Variants in MAST4 observed in about 807,000 individuals in gnomAD.
MAST4 encodes the protein microtubule associated serine/threonine kinase family member 4.
In MAST4, 89 loss-of-function variants were observed where a neutral mutation model predicts 162.7. The observed-to-expected ratio is 0.55, with a 90% confidence interval of 0.46 to 0.65. The LOEUF (loss-of-function observed/expected upper bound fraction) is 0.65, where lower values mean the gene tolerates loss of function less well. Among genes scored for constraint, MAST4 ranks in the 30% least tolerant of loss-of-function variants. The pLI is 0.00. For synonymous variants in MAST4, 1,479 were observed against 1,361.1 expected (o/e 1.09, Z -1.91); for missense variants, 3,153 against 3,374.0 (o/e 0.93, Z 1.62).
chr5:67,016,518 G>A (rs1219086464), intron 4 of MAST4, among the ~76,000 whole-genome samples: 1 of 152,216 alleles, frequency 6.6e-6, no homozygotes, highest in African/African-American at 2.4e-5. Flanking sequence ...GCTGCTGTCT[G>A]AGGGAAGAGA....
intron 1 of MAST4, among the ~76,000 whole-genome samples, chr5:66,695,581 G>A (rs988489763): frequency 1.2e-4 from 18 of 152,118 alleles, no homozygotes; most frequent in African/African-American, 4.1e-4. Flanking sequence ...AATGTGAATA[G>A]CATTGAATCT....
chr5:67,020,520 A>G (rs563454276), intron 4 of MAST4, among the ~76,000 whole-genome samples: 1 of 152,316 alleles, frequency 6.6e-6, no homozygotes, highest in South Asian at 2.1e-4. Context: ...ATATTTTGGG[A>G]TAGATGGGCT....
intron 1 of MAST4, among the ~76,000 whole-genome samples, chr5:66,677,907 T>G (rs1283425675): frequency 6.6e-6 from 1 of 152,128 alleles, no homozygotes; most frequent in African/African-American, 2.4e-5. Context: ...TTGTTGAAAA[T>G]GCAGATTCCC....
Position 67,168,872 on chromosome 5 carries a change from T to C in MAST4, c.*1821T>C, listed in dbSNP as rs2151156355. 6.6e-6 allele frequency: 1 copy of C among 152,032 alleles called. No homozygotes were observed. The highest frequency in any genetic ancestry group is 2.1e-4 in the South Asian group (1 of 4,808). 9.4% of individuals were successfully genotyped at this position (152,032 alleles called of 1,614,324 possible). A position where few individuals can be genotyped will look rare whatever the true frequency, so the allele number is the denominator to read the frequency against. On this transcript the variant is annotated 3_prime_UTR_variant, in exon 29 of 29. Transcript: ENST00000403625. ...TGCTCAGTTGTCCTTCGTTGTAAAA[T>C]GAATTGGCTTTGGGAAAAAGGAAAA...
intron 1 of MAST4, among the ~76,000 whole-genome samples, chr5:66,616,102 G>A (rs191573060): frequency 7.0e-4 from 106 of 152,256 alleles, no homozygotes; most frequent in Non-Finnish European, 4.3e-4. Flanking sequence ...ACAAATAAAT[G>A]CACAGAGGAA....
chr5:67,141,276 T>TA (rs1265010278), intron 19 of MAST4, among the ~76,000 whole-genome samples: 3 of 152,172 alleles, frequency 2.0e-5, no homozygotes, highest in Non-Finnish European at 2.9e-5. Flanking sequence ...TCTCTCTTCT[T>TA]AGAGTTTTTT....
chr5:67,013,759 A>G (rs181627213), intron 4 of MAST4, among the ~76,000 whole-genome samples: 29 of 152,364 alleles, frequency 1.9e-4, no homozygotes, highest in African/African-American at 7.0e-4. Flanking sequence ...AAGTATAAGT[A>G]TAAAATGTTT....
chr5:66,708,671 G>A (rs1750300962), intron 1 of MAST4, among the ~76,000 whole-genome samples: 1 of 152,158 alleles, frequency 6.6e-6, no homozygotes, highest in African/African-American at 2.4e-5. Flanking sequence ...TGGTGATAGT[G>A]AGCTGCATGT....
chr5:66,705,946 TAGTA>T (rs1236336431), intron 1 of MAST4, among the ~76,000 whole-genome samples: 1 of 152,182 alleles, frequency 6.6e-6, no homozygotes, highest in Non-Finnish European at 1.5e-5. Context: ...AATCAAGGCT[TAGTA>T]AGGCGAAGTA....
chr5:67,168,482 T>C lies in MAST4; in HGVS notation c.*1431T>C, dbSNP rs1774292164. ...GAATATGTAGAATTTGTCAAATCATTTTAGTGCTGAAGGTTTTTGATTTCT... is the reference window on the plus strand; with the variant it reads ...GAATATGTAGAATTTGTCAAATCATCTTAGTGCTGAAGGTTTTTGATTTCT... On this transcript the variant is annotated 3_prime_UTR_variant, in exon 29 of 29. Transcript: ENST00000403625. 2 of 152,228 alleles carry C rather than the reference T, an allele frequency of 1.3e-5. No homozygotes were observed. The highest frequency in any genetic ancestry group is 4.1e-4 in the South Asian group (2 of 4,834). The allele number at this position is 152,228 out of a possible 1,614,324, so 9.4% of individuals were successfully genotyped here. A position where few individuals can be genotyped will look rare whatever the true frequency, so the allele number is the denominator to read the frequency against.
Position 66,596,660 on chromosome 5 carries a change from G to C in MAST4, c.5G>C (p.Gly2Ala). Residue 2 changes from glycine to alanine, a missense_variant, in exon 1 of 29, where the codon GGG (glycine) becomes GCG (alanine). Gly to Ala is a moderately conservative substitution (Grantham distance 60). Coordinates refer to ENST00000403625, the MANE Select transcript of MAST4 (RefSeq NM_001164664.2). ...CACTTTGGGCCAGACAGGGAAATGG[G>C]GGAGAAAGTTTCGGAGGCGCCAGAG... Reference protein sequence around the residue: MGEKVSEAPEPV... With the variant: MAEKVSEAPEPV... 6.8e-7 allele frequency: 1 copy of C among 1,461,484 alleles called. No individual in the cohort carries two copies. Among genetic ancestry groups the C allele is most frequent in the Non-Finnish European group, 9.0e-7 (1 of 1,109,498 alleles). The allele number at this position is 1,461,484 out of a possible 1,614,324, so 90.5% of individuals were successfully genotyped here.
At chr5:66,967,442 G>A (rs1004079943) in intron 4 of MAST4, among the ~76,000 whole-genome samples, 6 of 152,126 alleles carry the variant, frequency 3.9e-5, no homozygotes, top group African/African-American at 1.4e-4. Context: ...TGTTTAGTAT[G>A]TCTGGGTAGT....
At chr5:66,919,729 TA>T (rs1764368876) in intron 4 of MAST4, among the ~76,000 whole-genome samples, 1 of 150,658 alleles carries the variant, frequency 6.6e-6, no homozygotes, top group Admixed American at 6.6e-5. Flanking sequence ...TATAAAAAAC[TA>T]ATAGGCACTT....
intron 3 of MAST4, among the ~76,000 whole-genome samples, chr5:66,835,080 A>G (rs1388650954): frequency 3.3e-5 from 5 of 152,176 alleles, no homozygotes; most frequent in African/African-American, 1.2e-4. Flanking sequence ...AACCCCTTAC[A>G]GAATTACAAC....
At chr5:66,651,523 TG>T (rs1168638660) in intron 1 of MAST4, among the ~76,000 whole-genome samples, 1 of 152,116 alleles carries the variant, frequency 6.6e-6, no homozygotes, top group Non-Finnish European at 1.5e-5. Flanking sequence ...CAACCAATAG[TG>T]ATTGTTACCA....
Position 67,104,417 on chromosome 5 carries a change from C to G in MAST4, c.1198C>G (p.Pro400Ala), listed in dbSNP as rs763876338. The change falls in exon 10 of 29, where the codon CCT (proline) becomes GCT (alanine). Residue 400 changes from proline (P) to alanine (A), a missense_variant. By Grantham distance (27) the Pro-to-Ala change is conservative. Around this residue, in one of 7 missense-constraint regions of MAST4, gnomAD observed 360 missense variants for 450.0 expected, o/e 0.80. Coordinates refer to ENST00000403625, the MANE Select transcript of MAST4 (RefSeq NM_001164664.2). ...AAAGGAAATTATCACCAGCTACTCT[C>G]CTGACAACGTTCTACCCTTAGCAGA... Reference protein sequence around the residue: ...RLKEIITSYSPDNVLPLADGV... With the variant: ...RLKEIITSYSADNVLPLADGV... The G allele has an allele frequency of 6.2e-7, 1 of 1,613,780 alleles. No homozygotes were observed.
chr5:66,845,474 A>G (rs549157278), intron 3 of MAST4, among the ~76,000 whole-genome samples: 1 of 152,210 alleles, frequency 6.6e-6, no homozygotes, highest in Admixed American at 6.5e-5. Context: ...ATAGTATTCC[A>G]TGGTGTATAT....
intron 4 of MAST4, among the ~76,000 whole-genome samples, chr5:66,958,468 T>C (rs1031958975): frequency 2.0e-5 from 3 of 152,198 alleles, no homozygotes; most frequent in Non-Finnish European, 2.9e-5. Flanking sequence ...TAGATTGCTT[T>C]TGTAAAGTAT....
intron 4 of MAST4, among the ~76,000 whole-genome samples, chr5:67,049,037 AT>A (rs1757787967): frequency 9.3e-6 from 1 of 107,738 alleles, no homozygotes. Flanking sequence ...ATATATATAT[AT>A]ATACGTGTAT....
Sources: gnomAD v4.1 joint callset for allele counts (sites outside exome capture counted in the v4.1 genomes callset) on GRCh38, gnomAD v4.1.1 for gene constraint, gnomAD v4.1.1 regional missense constraint, MANE v1.5 for transcripts, NCBI Gene and HGNC (gene_info 2026-07-23, HGNC 2026-07-21) for gene names.